The following PLCH1 variants were observed in gnomAD, a reference collection of about 807,000 sequenced individuals.
The protein encoded by PLCH1 is phospholipase C eta 1, also known as 1-phosphatidylinositol 4,5-bisphosphate phosphodiesterase eta-1.
In PLCH1, 60 loss-of-function variants were observed where a neutral mutation model predicts 126.7. The observed-to-expected ratio is 0.47, with a 90% CI of 0.38 to 0.59. The LOEUF is 0.59. Among genes scored for constraint, PLCH1 ranks in the 20% least tolerant of loss-of-function variants. The pLI is 0.00. For synonymous variants in PLCH1, 719 were observed against 734.9 expected (o/e 0.98, Z 0.35); for missense variants, 1,723 against 2,040.0 (o/e 0.84, Z 2.99).
chr3:155,566,791 A>G (rs925970118), intron 7 of PLCH1, among the ~76,000 whole-genome samples: 2 of 152,192 alleles, frequency 1.3e-5, no homozygotes, highest in African/African-American at 4.8e-5. Flanking sequence ...TAACAAATAA[A>G]TACATGGATG....
At chr3:155,706,417 C>T (rs1746673587) in intron 1 of PLCH1, among the ~76,000 whole-genome samples, 1 of 151,686 alleles carries the variant, frequency 6.6e-6, no homozygotes, top group South Asian at 2.1e-4. Flanking sequence ...GTCAGGAGTT[C>T]CAGACCAGCC....
At chr3:155,673,724 C>T (rs1559923804) in intron 2 of PLCH1, among the ~76,000 whole-genome samples, 1 of 152,098 alleles carries the variant, frequency 6.6e-6, no homozygotes, top group South Asian at 2.1e-4. Flanking sequence ...TGGTTTCTTC[C>T]TGCTCAGAAA....
chr3:155,602,416 C>T (rs966764203), intron 2 of PLCH1, among the ~76,000 whole-genome samples: 1 of 152,092 alleles, frequency 6.6e-6, no homozygotes, highest in African/African-American at 2.4e-5. Flanking sequence ...ATCCCACATA[C>T]TTAAATCAGT....
chr3:155,736,149 CT>C (rs1001954555), intron 1 of PLCH1, among the ~76,000 whole-genome samples: 108 of 152,276 alleles, frequency 7.1e-4, no homozygotes, highest in Non-Finnish European at 1.1e-3. Flanking sequence ...CAGGTTTTTG[CT>C]TTTGACTGAA....
At chr3:155,646,064 G>A (rs1740010638) in intron 2 of PLCH1, among the ~76,000 whole-genome samples, 1 of 152,104 alleles carries the variant, frequency 6.6e-6, no homozygotes, top group Admixed American at 6.5e-5. Flanking sequence ...CATGGTGAGG[G>A]TATGGGCTAT....
rs1353029588 is a variant in PLCH1 at position 155,528,211 on chromosome 3, G to A, written c.1363-4207C>T. 2.9e-5 allele frequency among the ~76,000 whole-genome samples: 4 copies of A among 140,028 alleles called. No homozygotes were observed. The East Asian group carries it at 8.2e-4, about 29-fold the overall frequency. 91.9% of individuals were successfully genotyped at this position (140,028 alleles called of 152,430 possible). ...TGTACTCCAGCCTGGGCGACAGAGC[G>A]AGACTCCGTCTCCCCACCAAAAAAA... On this transcript the variant is annotated intron_variant, in intron 10 of 22. Coordinates refer to ENST00000460012, the MANE Select transcript of PLCH1 (RefSeq NM_014996.4).
chr3:155,516,395 G>T lies in PLCH1; in HGVS notation c.1471-1511C>A, dbSNP rs373279848. Among the ~76,000 whole-genome samples the T allele has an allele frequency of 3.5e-4, 54 of 152,324 alleles. No homozygotes were observed. In the South Asian group the frequency reaches 0.011, roughly 30 times the overall value. ...CAGTGATGGAAAGAAGGGCTTTCCT[G>T]CCAACCACAGTTCTAGCAAAGGATT... On this transcript the variant is annotated intron_variant, in intron 11 of 22. Coordinates refer to ENST00000460012, the MANE Select transcript of PLCH1 (RefSeq NM_014996.4).
intron 1 of PLCH1, among the ~76,000 whole-genome samples, chr3:155,731,329 T>C (rs959830093): frequency 1.3e-5 from 2 of 152,110 alleles, no homozygotes; most frequent in Non-Finnish European, 2.9e-5. Flanking sequence ...CCTCTGTGGA[T>C]CCAGACTCAA....
chr3:155,464,926 C>G (rs559211524), intron 21 of PLCH1, among the ~76,000 whole-genome samples: 6 of 151,838 alleles, frequency 4.0e-5, no homozygotes, highest in African/African-American at 1.5e-4. Flanking sequence ...CTGGCTAACA[C>G]AGTGAAACCC....
chr3:155,463,049 G>A (rs1441300100), intron 21 of PLCH1, among the ~76,000 whole-genome samples: 2 of 152,204 alleles, frequency 1.3e-5, no homozygotes, highest in African/African-American at 2.4e-5. Context: ...GAGACATCCT[G>A]TAAATCCAGT....
chr3:155,629,371 A>G (rs1737753360), intron 2 of PLCH1, among the ~76,000 whole-genome samples: 1 of 152,186 alleles, frequency 6.6e-6, no homozygotes. Context: ...ACACACAGAT[A>G]ACTCCAAATG....
chr3:155,696,951 G>A (rs1305535009), intron 2 of PLCH1, among the ~76,000 whole-genome samples: 1 of 152,206 alleles, frequency 6.6e-6, no homozygotes, highest in Non-Finnish European at 1.5e-5. Context: ...AATGAACACT[G>A]TCACTTCTCA....
chr3:155,704,339 T>C, intron 1 of PLCH1, 75 bp from the exon 2 acceptor site: 1 of 413,122 alleles, frequency 2.4e-6, no homozygotes, highest in Admixed American at 4.4e-5. Flanking sequence ...CATAATGCCA[T>C]CGGTTGCCCA....
chr3:155,712,941 T>C (rs1747249937), intron 1 of PLCH1, among the ~76,000 whole-genome samples: 2 of 151,616 alleles, frequency 1.3e-5, no homozygotes, highest in South Asian at 2.1e-4. Context: ...TAATAATATA[T>C]TATTTGTAAA....
At chr3:155,698,082 G>A (rs142062478) in intron 2 of PLCH1, among the ~76,000 whole-genome samples, 1 of 152,162 alleles carries the variant, frequency 6.6e-6, no homozygotes, top group African/African-American at 2.4e-5. Flanking sequence ...ATTTTAAAAT[G>A]GACTGGACAC....
chr3:155,574,156 C>A (rs1311671534), intron 6 of PLCH1, among the ~76,000 whole-genome samples: 1 of 152,140 alleles, frequency 6.6e-6, no homozygotes, highest in Non-Finnish European at 1.5e-5. Context: ...CTCAAGTGAT[C>A]TGCCTGCCTC....
chr3:155,535,963 T>C (rs1033644175), intron 10 of PLCH1, among the ~76,000 whole-genome samples: 4 of 152,192 alleles, frequency 2.6e-5, no homozygotes, highest in African/African-American at 9.6e-5. Context: ...CAGGTCTCCA[T>C]GGCTGAGAGA....
chr3:155,654,779 C>T (rs1031573537), intron 2 of PLCH1, among the ~76,000 whole-genome samples: 1 of 152,162 alleles, frequency 6.6e-6, no homozygotes, highest in Non-Finnish European at 1.5e-5. Flanking sequence ...TAAGTCCATC[C>T]TCCATGGTGC....
At chr3:155,665,480 T>C (rs1032211421) in intron 2 of PLCH1, among the ~76,000 whole-genome samples, 2 of 152,180 alleles carry the variant, frequency 1.3e-5, no homozygotes, top group South Asian at 2.1e-4. Flanking sequence ...TTCTACATGG[T>C]TAAATAGTAA....
Sources: allele counts gnomAD v4.1 joint callset (sites outside exome capture counted in the v4.1 genomes callset), GRCh38; gene constraint gnomAD v4.1.1; transcripts MANE v1.5; gene names NCBI Gene and HGNC (gene_info 2026-07-23, HGNC 2026-07-21).